Variants in ZPBP observed in about 807,000 individuals in gnomAD.
ZPBP encodes the protein zona pellucida-binding protein 1.
A neutral mutation model predicts 44.8 loss-of-function variants in ZPBP; 26 were observed. The observed-to-expected ratio is 0.58, with a 90% CI of 0.43 to 0.81. The LOEUF is 0.81. Ranked by LOEUF, ZPBP falls within the 30% of genes least tolerant of loss-of-function variation. The probability of loss-of-function intolerance (pLI) is 0.00; values close to 1 mark genes in which losing one functional copy is unlikely to be tolerated. For synonymous variants in ZPBP, 174 were observed against 153.2 expected, an observed-to-expected ratio of 1.14 and a Z score of -1.00; for missense variants, 409 against 434.0, an observed-to-expected ratio of 0.94 and a Z score of 0.51.
chr7:49,983,231 G>A, intron 7 of ZPBP, 111 bp downstream of exon 7: 1 of 972,604 alleles, frequency 1.0e-6, no homozygotes, highest in East Asian at 2.7e-5. Context: ...AATAAACTAT[G>A]AAAAAATACC....
rs150552150 is a variant in ZPBP at position 50,057,046 on chromosome 7, G to A, written c.487+943C>T. 2.8e-3 allele frequency among the ~76,000 whole-genome samples: 419 copies of A among 152,146 alleles called. 1 individual carries two copies. Among genetic ancestry groups the A allele is most frequent in the African/African-American group, 8.9e-3 (371 of 41,520 alleles). On this transcript the variant is annotated intron_variant, in intron 4 of 7. Coordinates refer to ENST00000046087, the MANE Select transcript of ZPBP (RefSeq NM_007009.3). ...CAAAAATACAAAAAATTAGCCAGGC[G>A]TGGTGGCACGTGCCTGTAGTCCCAG...
chr7:50,058,507 A>G (rs1434981490), intron 3 of ZPBP, among the ~76,000 whole-genome samples: 1 of 152,160 alleles, frequency 6.6e-6, no homozygotes, highest in Non-Finnish European at 1.5e-5. Context: ...TAACGTAATT[A>G]TATTTATATT....
intron 1 of ZPBP, 42 bp downstream of exon 1, chr7:50,093,026 C>A: frequency 1.3e-6 from 2 of 1,577,464 alleles, no homozygotes. Flanking sequence ...GGGGAAGCTG[C>A]GGTTGTCCCT....
chr7:49,864,456 C>T (rs1165614940), intron 2 of ZPBP, among the ~76,000 whole-genome samples: 1 of 152,146 alleles, frequency 6.6e-6, no homozygotes, highest in Non-Finnish European at 1.5e-5. Flanking sequence ...TTCTAGATTC[C>T]TCCAAATACA....
At chr7:50,042,334 G>C (rs1219480622) in intron 4 of ZPBP, among the ~76,000 whole-genome samples, 2 of 152,128 alleles carry the variant, frequency 1.3e-5, no homozygotes, top group Non-Finnish European at 2.9e-5. Flanking sequence ...GCACCACAAA[G>C]ATACTCCTCA....
rs373716583 is a variant in ZPBP, at chr7:49,991,445, G to T, written c.784-7926C>A. On this transcript the variant is annotated intron_variant, in intron 6 of 7. Coordinates refer to ENST00000046087, the MANE Select transcript of ZPBP (RefSeq NM_007009.3). ...GAAGAAAGTAAGGGTTATATAATCT[G>T]AATTCTATGAAAGCTGGAATTCACT... 1.4e-3 allele frequency among the ~76,000 whole-genome samples: 217 copies of T among 152,224 alleles called. 3 individuals are homozygous for T. The highest frequency in any genetic ancestry group is 5.0e-3 in the African/African-American group (207 of 41,548).
intron 2 of ZPBP, among the ~76,000 whole-genome samples, chr7:49,896,605 G>A (rs1341803205): frequency 6.6e-6 from 1 of 152,026 alleles, no homozygotes; most frequent in Non-Finnish European, 1.5e-5. Flanking sequence ...CCAAAAACTG[G>A]TTGGTTCTTT....
intron 2 of ZPBP, among the ~76,000 whole-genome samples, chr7:49,885,385 C>T (rs1033642570): frequency 6.6e-6 from 1 of 151,900 alleles, no homozygotes; most frequent in African/African-American, 2.4e-5. Context: ...TAAATATATA[C>T]AATTATGTTC....
intron 3 of ZPBP, among the ~76,000 whole-genome samples, chr7:50,064,466 C>T (rs532140771): frequency 6.6e-6 from 1 of 152,236 alleles, no homozygotes; most frequent in South Asian, 2.1e-4. Context: ...TCCTAATAAG[C>T]CTGGGAGCAC....
At chr7:49,975,905 C>T (rs565124697) in intron 7 of ZPBP, among the ~76,000 whole-genome samples, 6 of 152,176 alleles carry the variant, frequency 3.9e-5, no homozygotes, top group Non-Finnish European at 7.4e-5. Flanking sequence ...ACTTTTTTGT[C>T]CCCTTTCCAA....
chr7:49,863,412 T>C (rs1372439727), intron 2 of ZPBP, among the ~76,000 whole-genome samples: 1 of 152,178 alleles, frequency 6.6e-6, no homozygotes, highest in African/African-American at 2.4e-5. Flanking sequence ...TTTGGCTTTG[T>C]TGATTCTCTC....
intron 6 of ZPBP, among the ~76,000 whole-genome samples, chr7:50,016,765 T>C (rs1323843083): frequency 6.6e-6 from 1 of 152,096 alleles, no homozygotes; most frequent in African/African-American, 2.4e-5. Flanking sequence ...TTTTAGGTAA[T>C]AACTGACTAA....
intron 1 of ZPBP, 27 bp downstream of exon 1, chr7:50,093,041 A>C (rs1803072459): frequency 6.3e-6 from 10 of 1,589,782 alleles, no homozygotes; most frequent in East Asian, 2.3e-5. Context: ...GTCCCTGCGG[A>C]GCCGGCAGGG....
intron 5 of ZPBP, among the ~76,000 whole-genome samples, chr7:50,028,598 C>CA (rs149980891): frequency 9.7e-4 from 139 of 142,782 alleles, no homozygotes; most frequent in African/African-American, 3.0e-3. Context: ...ATTTCACACA[C>CA]ACAAAAAAAA....
At position 50,018,330 on chromosome 7, in the gene ZPBP, T is replaced by A. The variant is rs373890240; in HGVS notation, c.707-14A>T. On this transcript the variant is annotated splice_polypyrimidine_tract_variant and intron_variant, in intron 5 of 7. Transcript: ENST00000046087. ...CTAGAGATGAAACTGAGAAAATATA[T>A]TATATTTTATCATGGGTATAATGTA... 18 of 1,533,154 alleles carry A rather than the reference T, an allele frequency of 1.2e-5. No individual in the cohort carries two copies. The highest frequency in any genetic ancestry group is 1.5e-5 in the Non-Finnish European group (17 of 1,110,512). 95.0% of individuals were successfully genotyped at this position (1,533,154 alleles called of 1,614,324 possible).
intron 2 of ZPBP, among the ~76,000 whole-genome samples, chr7:49,889,477 AC>A (rs1260354374): frequency 6.6e-6 from 1 of 152,238 alleles, no homozygotes; most frequent in Admixed American, 6.5e-5. Context: ...GAAGATGATG[AC>A]AAAATCAGGG....
At chr7:50,027,071 AC>A (rs35732560) in intron 5 of ZPBP, among the ~76,000 whole-genome samples, 1 of 151,888 alleles carries the variant, frequency 6.6e-6, no homozygotes, top group African/African-American at 2.4e-5. Context: ...CATGTGCTCA[AC>A]CCCCCCTCAT....
intron 6 of ZPBP, among the ~76,000 whole-genome samples, chr7:49,993,726 T>C (rs1429731555): frequency 6.6e-6 from 1 of 152,144 alleles, no homozygotes; most frequent in Admixed American, 6.5e-5. Flanking sequence ...TGGGTTTCTG[T>C]TGTTGGCAGA....
rs558454883 is a variant in ZPBP at position 49,872,036 on chromosome 7, AAATT to A, written n.510-21526_510-21523del. 2.7e-4 allele frequency among the ~76,000 whole-genome samples: 41 copies of A among 151,914 alleles called. No individual in the cohort carries two copies. The South Asian group carries it at 3.6e-3, about 13-fold the overall frequency. ...GAATGATGAAGTAATATATAGAAAA[AAATT>A]AATAAACTAAACAAAACTAAGTAGA... On this transcript the variant is annotated intron_variant and non_coding_transcript_variant, in intron 2 of 2. Coordinates refer to the ZPBP transcript ENST00000465922.
Sources: allele counts gnomAD v4.1 joint callset (sites outside exome capture counted in the v4.1 genomes callset), GRCh38; gene constraint gnomAD v4.1.1; transcripts MANE v1.5; gene names NCBI Gene and HGNC (gene_info 2026-07-23, HGNC 2026-07-21).